Variants in LPCAT1 observed in about 807,000 individuals in gnomAD.
The protein encoded by LPCAT1 is lysophosphatidylcholine acyltransferase 1.
A neutral mutation model predicts 60.9 loss-of-function variants in LPCAT1; 23 were observed. That is an observed-to-expected ratio of 0.38 (90% CI 0.27 to 0.53). The LOEUF is 0.53. Among genes scored for constraint, LPCAT1 ranks in the 20% least tolerant of loss-of-function variants. LPCAT1 has a pLI of 0.82. For synonymous variants in LPCAT1, 340 were observed against 301.1 expected (o/e 1.13, Z -1.34); for missense variants, 622 against 723.6 (o/e 0.86, Z 1.61).
rs1252935040 is a variant in LPCAT1 at position 1,461,580 on chromosome 5, G to A, written c.*2071C>T. 1.3e-5 allele frequency: 2 copies of A among 152,720 alleles called. No individual in the cohort carries two copies. The highest frequency in any genetic ancestry group is 4.8e-5 in the African/African-American group (2 of 41,466). 9.5% of individuals were successfully genotyped at this position (152,720 alleles called of 1,614,324 possible). On this transcript the variant is annotated 3_prime_UTR_variant, in exon 14 of 14. Transcript: ENST00000283415. ...GGGTCTGGCCCCCAGGCCACCAGGG[G>A]CCCGCTGCGTCCTGTCTCACACACA...
rs1306530653 is a variant in LPCAT1 at position 1,521,715 on chromosome 5, AG to A, written c.135+1994del. Among the ~76,000 whole-genome samples the A allele has an allele frequency of 3.9e-5, 6 of 152,178 alleles. No homozygotes were observed. Among genetic ancestry groups the A allele is most frequent in the Non-Finnish European group, 8.8e-5 (6 of 68,024 alleles). On this transcript the variant is annotated intron_variant, in intron 1 of 13. Coordinates refer to ENST00000283415, the MANE Select transcript of LPCAT1 (RefSeq NM_024830.5). The surrounding 1 kb of genome is among the most constrained non-coding windows in gnomAD (Gnocchi z 4.3). ...CTGAGAGGCCCCAACACCTCAAGCCAGGATCTCTGCCTGGCTTCGGCCCAAG... is the reference window on the plus strand; with the variant it reads ...CTGAGAGGCCCCAACACCTCAAGCCAGATCTCTGCCTGGCTTCGGCCCAAG...
At chr5:1,469,728 C>A (rs1374595589) in intron 12 of LPCAT1, among the ~76,000 whole-genome samples, 4 of 152,014 alleles carry the variant, frequency 2.6e-5, no homozygotes, top group Non-Finnish European at 5.9e-5. Flanking sequence ...TTGCAGTGAG[C>A]CAAGATTGCA....
In LPCAT1 at chr5:1,523,648, C is replaced by G; in HGVS notation, c.135+62G>C. On this transcript the variant is annotated intron_variant, in intron 1 of 13. Transcript: ENST00000283415. The surrounding 1 kb of genome is among the most constrained non-coding windows in gnomAD (Gnocchi z 7.1). The stretch of plus-strand genomic sequence containing the variant: ...CCCGGCCCCTCCTCGGCCGCGCCTC[C>G]CTGGCCCCAGCATCCCTGGCGTCCG... 1 of 1,043,490 alleles carries G rather than the reference C, an allele frequency of 9.6e-7. No individual in the cohort carries two copies. The highest frequency in any genetic ancestry group is 1.2e-6 in the Non-Finnish European group (1 of 867,260). The allele number at this position is 1,043,490 out of a possible 1,614,324, so 64.6% of individuals were successfully genotyped here. A position where few individuals can be genotyped will look rare whatever the true frequency, so the allele number is the denominator to read the frequency against.
rs540827892 is a variant in LPCAT1 at position 1,503,363 on chromosome 5, G to A, written c.136-1760C>T. On this transcript the variant is annotated intron_variant, in intron 1 of 13. Transcript: ENST00000283415. ...AACCTTCCCAGGCCTCATCCTCCAC[G>A]AGTTTTGTTTTGCTTTAAATCATGA... Among the ~76,000 whole-genome samples, 53 of 152,302 alleles carry A rather than the reference G, an allele frequency of 3.5e-4. 1 individual carries two copies. In the South Asian group the frequency reaches 9.7e-3, roughly 28 times the overall value.
At chr5:1,520,612 G>A (rs1021034726) in intron 1 of LPCAT1, among the ~76,000 whole-genome samples, 18 of 152,182 alleles carry the variant, frequency 1.2e-4, no homozygotes, top group African/African-American at 4.1e-4. Context: ...TGTAATCCCA[G>A]CACTTTGGGA....
intron 2 of LPCAT1, 34 bp from the exon 3 acceptor site, chr5:1,494,948 C>G (rs770107787): frequency 6.5e-6 from 10 of 1,545,100 alleles, no homozygotes; most frequent in Admixed American, 1.9e-5. Flanking sequence ...CGCGGGCACA[C>G]GTCCGCAGTC....
intron 11 of LPCAT1, among the ~76,000 whole-genome samples, chr5:1,473,361 C>G (rs114782064): frequency 1.0e-3 from 157 of 152,384 alleles, no homozygotes; most frequent in African/African-American, 3.6e-3. Context: ...CTGTGGCTCG[C>G]CGTGGCAGCC....
rs1261369669 is a variant in LPCAT1 at position 1,508,311 on chromosome 5, C to T, written c.136-6708G>A. The stretch of plus-strand genomic sequence containing the variant: ...TGGTGTTCTAGGTTGAATTTTGCGC[C>T]CCCTTCCCCAATTCCTGTTGATGTC... On this transcript the variant is annotated intron_variant, in intron 1 of 13. Coordinates refer to ENST00000283415, the MANE Select transcript of LPCAT1 (RefSeq NM_024830.5). Among the ~76,000 whole-genome samples, 4 of 152,172 alleles carry T rather than the reference C, an allele frequency of 2.6e-5. No individual in the cohort carries two copies. In the East Asian group the frequency reaches 7.7e-4, roughly 29 times the overall value.
chr5:1,485,812 G>A (rs1024532524), intron 5 of LPCAT1, among the ~76,000 whole-genome samples: 4 of 151,768 alleles, frequency 2.6e-5, no homozygotes, highest in Non-Finnish European at 4.4e-5. Flanking sequence ...GCCCGTGCAG[G>A]GAGGCCAGGG....
At chr5:1,473,807 C>T (rs1734786361) in intron 11 of LPCAT1, 150 bp downstream of exon 11, 3 of 898,892 alleles carry the variant, frequency 3.3e-6, no homozygotes, top group African/African-American at 1.7e-5. Flanking sequence ...GGAAATACCT[C>T]AAAATGATAG....
chr5:1,483,100 G>A lies in LPCAT1; in HGVS notation c.726+328C>T, dbSNP rs1332893804. Among the ~76,000 whole-genome samples, 1 of 152,206 alleles carries A rather than the reference G, an allele frequency of 6.6e-6. No individual in the cohort carries two copies. The highest frequency in any genetic ancestry group is 2.4e-5 in the African/African-American group (1 of 41,444). ...GGTGGAGGGGTTCCCTCTCCAAAAT[G>A]TCAGGTTTGGCACACAGAGGAAAGG... On this transcript the variant is annotated intron_variant, in intron 6 of 13. Transcript: ENST00000283415. The surrounding 1 kb of genome is among the most constrained non-coding windows in gnomAD (Gnocchi z 9.2).
chr5:1,503,295 C>T (rs1468082993), intron 1 of LPCAT1, among the ~76,000 whole-genome samples: 1 of 152,262 alleles, frequency 6.6e-6, no homozygotes, highest in East Asian at 1.9e-4. Context: ...CACTGTTCCA[C>T]ATCGTGTTAC....
rs1348976228 is a variant in LPCAT1, at chr5:1,476,710, C to T, written c.899+694G>A. Among the ~76,000 whole-genome samples, 2 of 151,952 alleles carry T rather than the reference C, an allele frequency of 1.3e-5. No individual in the cohort carries two copies. The highest frequency in any genetic ancestry group is 2.1e-4 in the South Asian group (1 of 4,812). On this transcript the variant is annotated intron_variant, in intron 9 of 13. Coordinates refer to ENST00000283415, the MANE Select transcript of LPCAT1 (RefSeq NM_024830.5). This position sits in a 1 kb window ranked among gnomAD's most constrained non-coding sequence, Gnocchi z 8.6. The stretch of plus-strand genomic sequence containing the variant: ...CAGGAGGAAGCACTAGGGAGGCATT[C>T]ACGTGGGGGTAAATCCAGGTGGGAG...
chr5:1,489,761 G>T lies in LPCAT1; in HGVS notation c.591C>A (p.Asn197Lys). ...VEEIKRRAQSNGKWPQIMIFP... is the reference protein window; with the variant it reads ...VEEIKRRAQSKGKWPQIMIFP... The stretch of plus-strand genomic sequence containing the variant: ...CGTGCATTACCTGTGGCCACTTTCC[G>T]TTGGACTGCGCCCGTCTCTTGATTT... The change falls in exon 4 of 14, where the codon AAC becomes AAA. Residue 197 changes from asparagine (N) to lysine (K), a missense_variant. Coordinates refer to ENST00000283415, the MANE Select transcript of LPCAT1 (RefSeq NM_024830.5). 6.2e-7 allele frequency: 1 copy of T among 1,612,932 alleles called. No homozygotes were observed. Among genetic ancestry groups the T allele is most frequent in the Non-Finnish European group, 8.5e-7 (1 of 1,178,858 alleles).
At chr5:1,494,669 C>T in intron 3 of LPCAT1, 31 bp downstream of exon 3, 1 of 1,591,382 alleles carries the variant, frequency 6.3e-7, no homozygotes, top group African/African-American at 1.3e-5. Context: ...AGGGCAGGGT[C>T]CCTCACTCCC....
In LPCAT1 at chr5:1,483,918, A is replaced by G. The variant is rs187276668; in HGVS notation, c.668-432T>C. On this transcript the variant is annotated intron_variant, in intron 5 of 13. Transcript: ENST00000283415. This position sits in a 1 kb window ranked among gnomAD's most constrained non-coding sequence, Gnocchi z 9.2. ...AGCTGGAAGACATCCGTGGAGGGAC[A>G]CTTTCTGCTGTAACATCGCGCACCA... Among the ~76,000 whole-genome samples, 778 of 151,804 alleles carry G rather than the reference A, an allele frequency of 5.1e-3. 6 individuals are homozygous for G. The highest frequency in any genetic ancestry group is 7.9e-3 in the Non-Finnish European group (533 of 67,778).
At position 1,481,161 on chromosome 5, in the gene LPCAT1, C is replaced by T. The variant is rs922940058; in HGVS notation, c.727-185G>A. Among the ~76,000 whole-genome samples, 3 of 152,082 alleles carry T rather than the reference C, an allele frequency of 2.0e-5. No homozygotes were observed. The highest frequency in any genetic ancestry group is 2.4e-5 in the African/African-American group (1 of 41,410). ...CCTGAGGATCCAGGACTCGGACCAG[C>T]CCCCCAGCCTGAGGTCCCCAGAGCC... On this transcript the variant is annotated intron_variant, in intron 6 of 13. Transcript: ENST00000283415. The surrounding 1 kb of genome is among the most constrained non-coding windows in gnomAD (Gnocchi z 7.8).
intron 1 of LPCAT1, among the ~76,000 whole-genome samples, chr5:1,518,996 A>C (rs111262658): frequency 6.6e-6 from 1 of 152,242 alleles, no homozygotes. Flanking sequence ...TGGGGGAAGA[A>C]AGCAGCTCCC....
chr5:1,463,456 C>T lies in LPCAT1; in HGVS notation c.*195G>A. ...CCGCGTGCGCGCCCTCCGATTCTCG[C>T]ACAGTAAGCGTCGGTTCTGCAACAC... is the stretch of plus-strand genomic sequence containing the variant. On this transcript the variant is annotated 3_prime_UTR_variant, in exon 14 of 14. Coordinates refer to ENST00000283415, the MANE Select transcript of LPCAT1 (RefSeq NM_024830.5). The T allele has an allele frequency of 9.4e-6, 6 of 638,160 alleles. No individual in the cohort carries two copies. The highest frequency in any genetic ancestry group is 2.2e-5 in the South Asian group (1 of 45,400). 39.5% of individuals were successfully genotyped at this position (638,160 alleles called of 1,614,324 possible).
Sources: gnomAD v4.1 joint callset for allele counts (sites outside exome capture counted in the v4.1 genomes callset) on GRCh38, gnomAD v4.1.1 for gene constraint, Gnocchi (gnomAD v3.1) non-coding constraint, MANE v1.5 for transcripts, NCBI Gene and HGNC (gene_info 2026-07-23, HGNC 2026-07-21) for gene names.